MOB1B: variants seen among roughly 807,000 people sequenced by gnomAD.
The protein encoded by MOB1B is MOB1 Mps One Binder homolog B.
Under a neutral mutation model 24.4 loss-of-function variants are expected in MOB1B, and 19 were observed. The ratio of observed to expected loss-of-function variants is 0.78; its 90% CI spans 0.54 to 1.14. MOB1B has a LOEUF of 1.14. Among genes scored for constraint, MOB1B ranks in the 50% most tolerant of loss-of-function variants. MOB1B has a pLI of 0.00. For synonymous variants in MOB1B, 76 were observed against 82.1 expected (o/e 0.93, Z 0.40); for missense variants, 243 against 259.6 (o/e 0.94, Z 0.44).
intron 1 of MOB1B, among the ~76,000 whole-genome samples, chr4:70,943,170 G>GT (rs34987527): frequency 2.2e-4 from 33 of 152,202 alleles, no homozygotes; most frequent in African/African-American, 6.7e-4. Flanking sequence ...ATTTCTGATG[G>GT]TTTTTTTGAC....
At position 70,985,341 on chromosome 4, in the gene MOB1B, A is replaced by G. The variant is rs1739345028; in HGVS notation, c.*3284A>G. 1 of 152,122 alleles carries G rather than the reference A, an allele frequency of 6.6e-6. No homozygotes were observed. Among genetic ancestry groups the G allele is most frequent in the Non-Finnish European group, 1.5e-5 (1 of 68,032 alleles). The allele number at this position is 152,122 out of a possible 1,614,324, so 9.4% of individuals were successfully genotyped here. On this transcript the variant is annotated 3_prime_UTR_variant, in exon 6 of 6. Coordinates refer to ENST00000309395, the MANE Select transcript of MOB1B (RefSeq NM_173468.4). The stretch of plus-strand genomic sequence containing the variant: ...CATCCAAATAAGAGTTCATCTTCAG[A>G]GTGGTTCTTTTGGGAGCACTGTTTA...
intron 1 of MOB1B, among the ~76,000 whole-genome samples, chr4:70,912,573 C>T (rs577919137): frequency 2.0e-5 from 3 of 152,178 alleles, no homozygotes; most frequent in Middle Eastern, 3.4e-3. Flanking sequence ...CCACCACGCC[C>T]GGCCTTAAAT....
At chr4:70,976,432 T>C (rs1444906117) in intron 4 of MOB1B, 9 of 985,218 alleles carry the variant, frequency 9.1e-6, no homozygotes, top group Non-Finnish European at 9.6e-6. Flanking sequence ...AAAACAAGAT[T>C]TGAGGGGTTG....
At chr4:70,934,796 G>T (rs111697656) in intron 1 of MOB1B, among the ~76,000 whole-genome samples, 28 of 152,068 alleles carry the variant, frequency 1.8e-4, no homozygotes, top group African/African-American at 6.5e-4. Flanking sequence ...ATAACTTGAT[G>T]CTGTCTCCGT....
intron 3 of MOB1B, among the ~76,000 whole-genome samples, chr4:70,972,919 G>A (rs960594208): frequency 2.0e-5 from 3 of 152,074 alleles, no homozygotes; most frequent in African/African-American, 7.2e-5. Flanking sequence ...GACTACAGGT[G>A]CCTGCCACCA....
At position 70,985,212 on chromosome 4, in the gene MOB1B, C is replaced by T. The variant is rs1285124982; in HGVS notation, c.*3155C>T. On this transcript the variant is annotated 3_prime_UTR_variant, in exon 6 of 6. Transcript: ENST00000309395. ...CATTTCATTTATACTTTTGTTTACC[C>T]CTCTCTGAGACAGGTTTTGATAACC... 2 of 152,030 alleles carry T rather than the reference C, an allele frequency of 1.3e-5. No homozygotes were observed. Among genetic ancestry groups the T allele is most frequent in the Non-Finnish European group, 2.9e-5 (2 of 67,998 alleles). The allele number at this position is 152,030 out of a possible 1,614,324, so 9.4% of individuals were successfully genotyped here.
chr4:70,910,393 A>G (rs1735932115), intron 1 of MOB1B, among the ~76,000 whole-genome samples: 2 of 151,896 alleles, frequency 1.3e-5, no homozygotes, highest in Admixed American at 1.3e-4. Context: ...CTATATATAG[A>G]TATATATACA....
Position 70,941,103 on chromosome 4 carries a change from G to A in MOB1B, c.15-17771G>A, listed in dbSNP as rs560262753. On this transcript the variant is annotated intron_variant, in intron 1 of 5. Transcript: ENST00000309395. ...AGACAACTCTTGCCACATGTACATT[G>A]TCTGATTTTCTCTTTATTTGTATCT... Among the ~76,000 whole-genome samples, 3 of 150,846 alleles carry A rather than the reference G, an allele frequency of 2.0e-5. No individual in the cohort carries two copies. The South Asian group carries it at 6.3e-4, about 32-fold the overall frequency.
chr4:70,930,504 G>A (rs1331036235), intron 1 of MOB1B, among the ~76,000 whole-genome samples: 1 of 152,196 alleles, frequency 6.6e-6, no homozygotes. Flanking sequence ...GCTAGTGCAT[G>A]TGAAGAATAT....
At chr4:70,919,315 T>TAAA (rs528264787) in intron 1 of MOB1B, among the ~76,000 whole-genome samples, 9 of 142,552 alleles carry the variant, frequency 6.3e-5, no homozygotes, top group African/African-American at 2.3e-4. Flanking sequence ...TAATAATAAT[T>TAAA]AAAAAAAAAA....
chr4:70,964,588 C>T (rs1370015943), intron 2 of MOB1B, among the ~76,000 whole-genome samples: 1 of 152,054 alleles, frequency 6.6e-6, no homozygotes, highest in African/African-American at 2.4e-5. Context: ...ACTAAGCATC[C>T]ATCTCCAGAG....
intron 1 of MOB1B, among the ~76,000 whole-genome samples, chr4:70,936,752 A>T (rs1215817385): frequency 6.6e-6 from 1 of 152,140 alleles, no homozygotes; most frequent in Non-Finnish European, 1.5e-5. Flanking sequence ...GAGGAATGTA[A>T]GTATTTTAAG....
chr4:70,931,763 A>T (rs142538966), intron 1 of MOB1B, among the ~76,000 whole-genome samples: 1 of 152,280 alleles, frequency 6.6e-6, no homozygotes, highest in African/African-American at 2.4e-5. Context: ...CAGAGACAGG[A>T]TGTCACTCTG....
chr4:70,983,331 A>G lies in MOB1B; in HGVS notation c.*1274A>G. 6.6e-6 allele frequency: 1 copy of G among 152,488 alleles called. No homozygotes were observed. Among genetic ancestry groups the G allele is most frequent in the Non-Finnish European group, 1.5e-5 (1 of 67,966 alleles). The allele number at this position is 152,488 out of a possible 1,614,324, so 9.4% of individuals were successfully genotyped here. On this transcript the variant is annotated 3_prime_UTR_variant, in exon 6 of 6. Transcript: ENST00000309395. ...TCTGGTTTTTCCACCCTGAAAGGAA[A>G]TGTTTTTCTTTGCAGCAGTATTAGA...
At chr4:70,968,252 C>G (rs1276012788) in intron 2 of MOB1B, among the ~76,000 whole-genome samples, 1 of 152,192 alleles carries the variant, frequency 6.6e-6, no homozygotes, top group Non-Finnish European at 1.5e-5. Flanking sequence ...GAGGTACAGT[C>G]TACTTTGAAT....
In MOB1B at chr4:70,902,509, C is replaced by T. The variant is rs137923898; in HGVS notation, c.-28C>T. On this transcript the variant is annotated 5_prime_UTR_variant, in exon 1 of 6. Transcript: ENST00000309395. ...CGCCGCTCCGAGGCCTCGCGACCGC[C>T]GAGCCTGCAGCCTGCCCCGCGGCCA... 1,233 of 1,559,478 alleles carry T rather than the reference C, an allele frequency of 7.9e-4. 7 individuals are homozygous for T. In the East Asian group the frequency reaches 0.018, roughly 23 times the overall value.
rs1735549500 is a variant in MOB1B, at chr4:70,902,480, C to T, written c.-57C>T. On this transcript the variant is annotated 5_prime_UTR_variant, in exon 1 of 6. Coordinates refer to ENST00000309395, the MANE Select transcript of MOB1B (RefSeq NM_173468.4). The stretch of plus-strand genomic sequence containing the variant: ...ATTCGCCTTTCCTCTTCTTTCCTGG[C>T]CCACGCCGCTCCGAGGCCTCGCGAC... The T allele has an allele frequency of 4.5e-6, 7 of 1,544,196 alleles. No individual in the cohort carries two copies. Among genetic ancestry groups the T allele is most frequent in the Non-Finnish European group, 6.1e-6 (7 of 1,140,808 alleles).
At chr4:70,954,034 G>A (rs1737923976) in intron 1 of MOB1B, among the ~76,000 whole-genome samples, 2 of 152,046 alleles carry the variant, frequency 1.3e-5, no homozygotes, top group African/African-American at 2.4e-5. Context: ...ATTCCAAGAT[G>A]GCCTGAACCT....
At position 70,936,147 on chromosome 4, in the gene MOB1B, G is replaced by A. The variant is rs558323713; in HGVS notation, c.15-22727G>A. On this transcript the variant is annotated intron_variant, in intron 1 of 5. Coordinates refer to ENST00000309395, the MANE Select transcript of MOB1B (RefSeq NM_173468.4). Reference sequence around the variant, plus strand: ...ATTACAGGTGTGAGCCACCGCGCCCGGCCGGTACACTAATTTTTGTATTTT... The same window carrying A: ...ATTACAGGTGTGAGCCACCGCGCCCAGCCGGTACACTAATTTTTGTATTTT... 4.0e-5 allele frequency among the ~76,000 whole-genome samples: 6 copies of A among 151,788 alleles called. No homozygotes were observed. The East Asian group carries it at 7.8e-4, about 20-fold the overall frequency.
Sources: gnomAD v4.1 joint callset for allele counts (sites outside exome capture counted in the v4.1 genomes callset) on GRCh38, gnomAD v4.1.1 for gene constraint, MANE v1.5 for transcripts, NCBI Gene and HGNC (gene_info 2026-07-23, HGNC 2026-07-21) for gene names.